Variants in LRRC7 observed in about 807,000 individuals in gnomAD.
The protein encoded by LRRC7 is leucine rich repeat containing 7.
In LRRC7, 23 loss-of-function variants were observed where a neutral mutation model predicts 175.7. The observed-to-expected ratio is 0.13, with a 90% confidence interval of 0.09 to 0.19. The LOEUF (loss-of-function observed/expected upper bound fraction) is 0.19. LRRC7 is among the 10% of genes least tolerant of loss of function. The probability of loss-of-function intolerance (pLI) is 1.00; values close to 1 mark genes in which losing one functional copy is unlikely to be tolerated. For synonymous variants in LRRC7, 685 were observed against 680.9 expected (o/e 1.01, Z -0.09); for missense variants, 1,354 against 1,904.7 (o/e 0.71, Z 5.38).
intron 8 of LRRC7, among the ~76,000 whole-genome samples, chr1:69,945,382 A>G (rs1649197763): frequency 6.6e-6 from 1 of 152,044 alleles, no homozygotes; most frequent in African/African-American, 2.4e-5. Flanking sequence ...CTGTGCCTGT[A>G]CCATGCTGTT....
chr1:69,667,123 C>G (rs369490228), intron 1 of LRRC7, among the ~76,000 whole-genome samples: 2 of 151,952 alleles, frequency 1.3e-5, no homozygotes, highest in Non-Finnish European at 2.9e-5. Context: ...CCAAAATTCC[C>G]CTTTTTATTG....
At chr1:69,586,720 G>T (rs1460389889) in intron 1 of LRRC7, among the ~76,000 whole-genome samples, 4 of 152,112 alleles carry the variant, frequency 2.6e-5, no homozygotes, top group Non-Finnish European at 5.9e-5. Context: ...CTGAACTGTT[G>T]ATGTAAAAAA....
intron 8 of LRRC7, among the ~76,000 whole-genome samples, chr1:69,966,635 G>C (rs896402156): frequency 5.9e-5 from 9 of 152,218 alleles, no homozygotes; most frequent in African/African-American, 2.2e-4. Flanking sequence ...GGACCTGGGA[G>C]ACACCCCAAA....
chr1:69,832,965 C>T (rs928293548), intron 5 of LRRC7, among the ~76,000 whole-genome samples: 7 of 151,916 alleles, frequency 4.6e-5, no homozygotes, highest in South Asian at 2.1e-4. Flanking sequence ...ATTAGCAGGG[C>T]GTGGTGGCAG....
intron 25 of LRRC7, among the ~76,000 whole-genome samples, chr1:70,098,277 A>G (rs981544001): frequency 6.6e-6 from 1 of 152,184 alleles, no homozygotes; most frequent in African/African-American, 2.4e-5. Context: ...ACCAACGAGA[A>G]CAAAGACACA....
At chr1:70,057,128 C>G (rs899521258) in intron 23 of LRRC7, among the ~76,000 whole-genome samples, 2 of 152,166 alleles carry the variant, frequency 1.3e-5, no homozygotes, top group African/African-American at 4.8e-5. Flanking sequence ...TTCTGATTAT[C>G]CCATATTATA....
intron 2 of LRRC7, among the ~76,000 whole-genome samples, chr1:69,746,666 TAA>T (rs1163990773): frequency 6.6e-6 from 1 of 151,958 alleles, no homozygotes; most frequent in Non-Finnish European, 1.5e-5. Flanking sequence ...GGAGTACAAA[TAA>T]AAGACAGTCT....
intron 7 of LRRC7, among the ~76,000 whole-genome samples, chr1:69,851,363 G>A (rs1682962921): frequency 6.6e-6 from 1 of 152,094 alleles, no homozygotes; most frequent in Non-Finnish European, 1.5e-5. Flanking sequence ...ATCATGAAAA[G>A]GACTTTTTAA....
At chr1:69,827,696 TG>T (rs774532094) in intron 5 of LRRC7, among the ~76,000 whole-genome samples, 33 of 151,800 alleles carry the variant, frequency 2.2e-4, no homozygotes, top group Non-Finnish European at 4.6e-4. Flanking sequence ...AAAATTGGCC[TG>T]GTGTGGTGGT....
intron 4 of LRRC7, among the ~76,000 whole-genome samples, chr1:69,796,307 A>G (rs1168709990): frequency 6.6e-6 from 1 of 150,900 alleles, no homozygotes; most frequent in East Asian, 2.0e-4. Context: ...TCTAACCACA[A>G]CTCCAGCTGG....
intron 7 of LRRC7, among the ~76,000 whole-genome samples, chr1:69,928,288 TTCTCAGATCTCCAGC>T (rs1308319754): frequency 1.3e-5 from 2 of 152,164 alleles, no homozygotes; most frequent in Non-Finnish European, 2.9e-5. Context: ...AGTCTGCCCG[TTCTCAGATCTCCAGC>T]TGCGTGCTGG....
intron 1 of LRRC7, among the ~76,000 whole-genome samples, chr1:69,648,201 G>T (rs1204499889): frequency 2.0e-5 from 3 of 152,070 alleles, no homozygotes; most frequent in African/African-American, 7.2e-5. Flanking sequence ...TTGTTTGGAG[G>T]TTTAAATGAG....
intron 26 of LRRC7, among the ~76,000 whole-genome samples, chr1:70,120,253 A>G (rs1216046268): frequency 1.3e-5 from 2 of 152,110 alleles, no homozygotes; most frequent in Non-Finnish European, 2.9e-5. Flanking sequence ...GAAACAGCCA[A>G]TGCCAACTTC....
Position 70,119,302 on chromosome 1 carries a change from T to C in LRRC7, c.4621-2478T>C, listed in dbSNP as rs548754782. Among the ~76,000 whole-genome samples, 87 of 152,208 alleles carry C rather than the reference T, an allele frequency of 5.7e-4. 1 individual carries two copies. The highest frequency in any genetic ancestry group is 1.2e-3 in the Admixed American group (19 of 15,278). On this transcript the variant is annotated intron_variant, in intron 26 of 26. Coordinates refer to ENST00000651989, the MANE Select transcript of LRRC7 (RefSeq NM_001370785.2). Reference sequence around the variant, plus strand: ...CCTCCTCTGAACTACTCCAGCACTTTATTTCCGTCTTCAGATATTAATTCA... The same window carrying C: ...CCTCCTCTGAACTACTCCAGCACTTCATTTCCGTCTTCAGATATTAATTCA...
intron 22 of LRRC7, among the ~76,000 whole-genome samples, chr1:70,050,756 A>G (rs1186469658): frequency 6.6e-6 from 1 of 152,030 alleles, no homozygotes; most frequent in Non-Finnish European, 1.5e-5. Flanking sequence ...CCTTTGGGAA[A>G]GAATATGCAC....
chr1:69,893,353 A>C (rs1265131609), intron 7 of LRRC7, among the ~76,000 whole-genome samples: 4 of 152,236 alleles, frequency 2.6e-5, no homozygotes, highest in African/African-American at 9.6e-5. Flanking sequence ...TTCAAAGCAC[A>C]TGAAACAATG....
intron 7 of LRRC7, among the ~76,000 whole-genome samples, chr1:69,897,917 T>C (rs949605458): frequency 2.0e-5 from 3 of 152,240 alleles, no homozygotes; most frequent in African/African-American, 7.2e-5. Context: ...ACTTGCATTT[T>C]GTCACTTGCA....
At chr1:69,773,234 C>T (rs1672437432) in intron 3 of LRRC7, among the ~76,000 whole-genome samples, 1 of 152,028 alleles carries the variant, frequency 6.6e-6, no homozygotes, top group African/African-American at 2.4e-5. Context: ...GGACCAAAGT[C>T]CTGAAGGCAA....
intron 9 of LRRC7, among the ~76,000 whole-genome samples, chr1:69,985,049 A>C (rs955211368): frequency 1.3e-5 from 2 of 152,198 alleles, no homozygotes; most frequent in Non-Finnish European, 2.9e-5. Context: ...TTTGATGAGC[A>C]GCATCTTCCA....
Sources: allele counts gnomAD v4.1 joint callset (sites outside exome capture counted in the v4.1 genomes callset), GRCh38; gene constraint gnomAD v4.1.1; transcripts MANE v1.5; gene names NCBI Gene and HGNC (gene_info 2026-07-23, HGNC 2026-07-21).